INPP5A: variants seen among roughly 807,000 people sequenced by gnomAD.
INPP5A encodes the protein inositol polyphosphate-5-phosphatase A, also known as 43 kDa inositol polyphosphate 5-phophatase.
A neutral mutation model predicts 65.2 loss-of-function variants in INPP5A; 14 were observed. That is an observed-to-expected ratio of 0.21 (90% confidence interval 0.14 to 0.34). INPP5A has a LOEUF of 0.34. Among genes scored for constraint, INPP5A ranks in the 10% least tolerant of loss-of-function variants. The pLI, the probability that INPP5A is intolerant of heterozygous loss-of-function variation, is 1.00. For missense variants in INPP5A, 431 were observed against 545.6 expected (o/e 0.79, Z 2.09); for synonymous variants, 207 against 208.3 (o/e 0.99, Z 0.05).
chr10:132,759,787 C>G (rs1238521381), intron 11 of INPP5A, among the ~76,000 whole-genome samples: 1 of 152,114 alleles, frequency 6.6e-6, no homozygotes, highest in Non-Finnish European at 1.5e-5. Flanking sequence ...ATGCCCACGC[C>G]AGCCCATGGA....
rs980209880 is a variant in INPP5A at position 132,603,626 on chromosome 10, C to A, written c.76-4289C>A. Among the ~76,000 whole-genome samples the A allele has an allele frequency of 1.3e-5, 2 of 152,172 alleles. No individual in the cohort carries two copies. The highest frequency in any genetic ancestry group is 1.3e-4 in the Admixed American group (2 of 15,284). On this transcript the variant is annotated intron_variant, in intron 1 of 15. Coordinates refer to ENST00000368594, the MANE Select transcript of INPP5A (RefSeq NM_005539.5). The surrounding 1 kb of genome is among the most constrained non-coding windows in gnomAD (Gnocchi z 4.2). ...ACTTTTCTAAACTTGAAGAATGTAG[C>A]GTTTAAGAATACATTTTAATTTTAG... is the stretch of plus-strand genomic sequence containing the variant.
In INPP5A at chr10:132,741,833, C is replaced by T. The variant is rs1053347431; in HGVS notation, c.733-7684C>T. 6.6e-6 allele frequency among the ~76,000 whole-genome samples: 1 copy of T among 151,896 alleles called. No individual in the cohort carries two copies. The highest frequency in any genetic ancestry group is 2.4e-5 in the African/African-American group (1 of 41,398). ...AAACTGAGGTGGACGTTGGCGTCCG[C>T]GTCTGCTTGCTTTACTCCATAGCTG... is the stretch of plus-strand genomic sequence containing the variant. On this transcript the variant is annotated intron_variant, in intron 9 of 15. Coordinates refer to ENST00000368594, the MANE Select transcript of INPP5A (RefSeq NM_005539.5). The surrounding 1 kb of genome is among the most constrained non-coding windows in gnomAD (Gnocchi z 4.4).
At chr10:132,690,790 A>G (rs899064399) in intron 5 of INPP5A, among the ~76,000 whole-genome samples, 1 of 152,200 alleles carries the variant, frequency 6.6e-6, no homozygotes, top group Admixed American at 6.5e-5. Flanking sequence ...AAGAACAGGC[A>G]GGGACGGTCC....
At chr10:132,776,786 G>A (rs1847071080) in intron 12 of INPP5A, among the ~76,000 whole-genome samples, 1 of 152,178 alleles carries the variant, frequency 6.6e-6, no homozygotes, top group African/African-American at 2.4e-5. Flanking sequence ...AGGCCCGGAA[G>A]TGGGGGCTGT....
At chr10:132,617,222 T>A (rs1299751392) in intron 2 of INPP5A, among the ~76,000 whole-genome samples, 1 of 152,178 alleles carries the variant, frequency 6.6e-6, no homozygotes, top group Non-Finnish European at 1.5e-5. Flanking sequence ...CAGACCCTGC[T>A]TGGCCCTGGG....
At chr10:132,765,430 G>A (rs775626962) in intron 11 of INPP5A, among the ~76,000 whole-genome samples, 2 of 152,238 alleles carry the variant, frequency 1.3e-5, no homozygotes, top group Non-Finnish European at 2.9e-5. Flanking sequence ...TCCCTCTGCT[G>A]GGGGAGCCAG....
chr10:132,646,305 C>T (rs936111736), intron 3 of INPP5A, among the ~76,000 whole-genome samples: 7 of 152,200 alleles, frequency 4.6e-5, no homozygotes, highest in African/African-American at 1.4e-4. Context: ...CCGGGGTTCA[C>T]ATCCCACTGC....
At chr10:132,677,985 C>G (rs1278457975) in intron 4 of INPP5A, among the ~76,000 whole-genome samples, 3 of 152,238 alleles carry the variant, frequency 2.0e-5, no homozygotes, top group African/African-American at 7.2e-5. Flanking sequence ...AGCTGTCGAA[C>G]AGGAGGCAGA....
chr10:132,752,668 C>T (rs1054475831), intron 11 of INPP5A, among the ~76,000 whole-genome samples: 3 of 5,806 alleles, frequency 5.2e-4, no homozygotes, highest in African/African-American at 1.4e-3. Context: ...TGGAGGGGCA[C>T]GGGGCGTGGA....
intron 12 of INPP5A, among the ~76,000 whole-genome samples, chr10:132,776,919 C>A (rs1847074472): frequency 6.6e-6 from 1 of 152,134 alleles, no homozygotes; most frequent in African/African-American, 2.4e-5. Flanking sequence ...GGGCCAATGG[C>A]TCAGAGACAC....
intron 2 of INPP5A, among the ~76,000 whole-genome samples, chr10:132,633,192 C>T (rs150336659): frequency 6.6e-5 from 10 of 152,310 alleles, no homozygotes; most frequent in South Asian, 2.1e-4. Flanking sequence ...AGTGAGCTCC[C>T]GGACCTCAGC....
chr10:132,586,972 CG>C (rs1266378608), intron 1 of INPP5A, among the ~76,000 whole-genome samples: 1 of 152,130 alleles, frequency 6.6e-6, no homozygotes, highest in African/African-American at 2.4e-5. Context: ...CATCATCTGT[CG>C]GCTTCTGCAG....
intron 12 of INPP5A, among the ~76,000 whole-genome samples, chr10:132,769,810 C>CCCCG (rs11442789): frequency 2.0e-4 from 30 of 151,124 alleles, no homozygotes; most frequent in African/African-American, 6.8e-4. Flanking sequence ...TCCCCCCCCC[C>CCCCG]AAGTTCCTGA....
intron 8 of INPP5A, among the ~76,000 whole-genome samples, chr10:132,723,418 C>T (rs527724927): frequency 6.6e-6 from 1 of 152,052 alleles, no homozygotes; most frequent in East Asian, 1.9e-4. Context: ...CCTGCGACAC[C>T]GCACACAGAT....
intron 4 of INPP5A, among the ~76,000 whole-genome samples, chr10:132,683,560 A>C (rs893382442): frequency 4.6e-5 from 7 of 152,238 alleles, no homozygotes; most frequent in Non-Finnish European, 5.9e-5. Context: ...GTCTGTGTGA[A>C]CACTCAGTAC....
At chr10:132,765,990 G>C in intron 12 of INPP5A, 144 bp downstream of exon 12, 1 of 657,872 alleles carries the variant, frequency 1.5e-6, no homozygotes, top group Non-Finnish European at 2.8e-6. Context: ...CAGAGTGTGT[G>C]TACCATACCT....
chr10:132,767,690 C>A (rs1339117769), intron 12 of INPP5A, among the ~76,000 whole-genome samples: 2 of 152,154 alleles, frequency 1.3e-5, no homozygotes, highest in East Asian at 3.9e-4. Flanking sequence ...CCCTCGCGCC[C>A]AGTGGCATTC....
rs762916480 is a variant in INPP5A at position 132,697,797 on chromosome 10, T to A, written c.371-19T>A. 1.3e-6 allele frequency: 2 copies of A among 1,544,640 alleles called. No individual in the cohort carries two copies. Among genetic ancestry groups the A allele is most frequent in the Admixed American group, 3.4e-5 (2 of 59,564 alleles). On this transcript the variant is annotated intron_variant, in intron 5 of 15. Coordinates refer to ENST00000368594, the MANE Select transcript of INPP5A (RefSeq NM_005539.5). The surrounding 1 kb of genome is among the most constrained non-coding windows in gnomAD (Gnocchi z 5.6). ...GCACAGTGATGGGATAGTCACCTCG[T>A]CCTTCTGGTCTCTTCCAGCTAAGAA...
At position 132,587,084 on chromosome 10, in the gene INPP5A, C is replaced by T. The variant is rs1429970521; in HGVS notation, c.76-20831C>T. On this transcript the variant is annotated intron_variant, in intron 1 of 15. Coordinates refer to ENST00000368594, the MANE Select transcript of INPP5A (RefSeq NM_005539.5). This position sits in a 1 kb window ranked among gnomAD's most constrained non-coding sequence, Gnocchi z 4.3. The stretch of plus-strand genomic sequence containing the variant: ...TCACTAGGACTGCGTGTATTCCAGT[C>T]ACAGCTGAGCCATGTAGTGTGCTAT... 1.3e-5 allele frequency among the ~76,000 whole-genome samples: 2 copies of T among 152,234 alleles called. No individual in the cohort carries two copies. Among genetic ancestry groups the T allele is most frequent in the East Asian group, 1.9e-4 (1 of 5,204 alleles).
Sources: gnomAD v4.1 joint callset for allele counts (sites outside exome capture counted in the v4.1 genomes callset) on GRCh38, gnomAD v4.1.1 for gene constraint, Gnocchi (gnomAD v3.1) non-coding constraint, MANE v1.5 for transcripts, NCBI Gene and HGNC (gene_info 2026-07-23, HGNC 2026-07-21) for gene names.